The following SEPTIN3 variants were observed in gnomAD, a reference collection of about 807,000 sequenced individuals.
SEPTIN3 encodes septin 3.
Under a neutral mutation model 45.1 loss-of-function variants are expected in SEPTIN3, and 15 were observed. The ratio of observed to expected loss-of-function variants is 0.33; its 90% CI spans 0.22 to 0.51. The LOEUF is 0.51. Among genes scored for constraint, SEPTIN3 ranks in the 20% least tolerant of loss-of-function variants. The probability of loss-of-function intolerance (pLI) is 0.97; values close to 1 mark genes in which losing one functional copy is unlikely to be tolerated. For missense variants in SEPTIN3, 289 were observed against 457.2 expected, an observed-to-expected ratio of 0.63 and a Z score of 3.35; for synonymous variants, 148 against 164.8, an observed-to-expected ratio of 0.90 and a Z score of 0.78.
chr22:41,988,242 TG>T (rs2146706927), intron 6 of SEPTIN3, among the ~76,000 whole-genome samples: 1 of 152,230 alleles, frequency 6.6e-6, no homozygotes, highest in Non-Finnish European at 1.5e-5. Context: ...AGGCATTGTG[TG>T]TTCAGAGATG....
intron 2 of SEPTIN3, among the ~76,000 whole-genome samples, chr22:41,980,551 G>A (rs1344938475): frequency 1.3e-5 from 2 of 152,144 alleles, no homozygotes; most frequent in Non-Finnish European, 2.9e-5. Flanking sequence ...GTCTTCCCAA[G>A]TCCACAAAGC....
intron 2 of SEPTIN3, among the ~76,000 whole-genome samples, chr22:41,977,890 T>G (rs1227501506): frequency 6.6e-6 from 1 of 152,080 alleles, no homozygotes; most frequent in Non-Finnish European, 1.5e-5. Context: ...TGCAACCGAG[T>G]CAGGTGGATG....
rs772074991 is a variant in SEPTIN3, at chr22:41,992,683, C to T, written c.2279C>T (p.Ala760Val). The T allele has an allele frequency of 6.2e-6, 10 of 1,607,366 alleles. 1 individual carries two copies. ...DKIRQESMPFAVVGSDKEYQV... is the reference protein window; with the variant it reads ...DKIRQESMPFVVVGSDKEYQV... ...GTGCAGCAGGAGAGCATGCCTTTTGCTGTGGTGGGAAGTGACAAGGAGTAC... is the reference window on the plus strand; with the variant it reads ...GTGCAGCAGGAGAGCATGCCTTTTGTTGTGGTGGGAAGTGACAAGGAGTAC... The change falls in exon 9 of 12, where the codon GCT (alanine) becomes GTT (valine). Residue 760 changes from alanine (A) to valine (V), a missense_variant. Transcript: ENST00000644076.
At chr22:41,987,594 G>A in intron 5 of SEPTIN3, 28 bp from the exon 6 acceptor site, 1 of 1,596,310 alleles carries the variant, frequency 6.3e-7, no homozygotes, top group Non-Finnish European at 8.6e-7. Flanking sequence ...TTCTTCTGAT[G>A]CATCTATCTA....
At chr22:41,985,747 G>A (rs188194275) in intron 3 of SEPTIN3, 5 of 365,030 alleles carry the variant, frequency 1.4e-5, no homozygotes, top group Non-Finnish European at 2.5e-5. Flanking sequence ...TGGTCCTGTG[G>A]CTCTGGGAAG....
Position 41,998,060 on chromosome 22 carries a change from GAAC to G in SEPTIN3, c.*1097_*1099del, listed in dbSNP as rs541121726. 5 of 152,778 alleles carry G rather than the reference GAAC, an allele frequency of 3.3e-5. No homozygotes were observed. In the South Asian group the frequency reaches 1.0e-3, roughly 32 times the overall value. The allele number at this position is 152,778 out of a possible 1,614,324, so 9.5% of individuals were successfully genotyped here. A position where few individuals can be genotyped will look rare whatever the true frequency, so the allele number is the denominator to read the frequency against. ...AGAGGCCCACGCCTAGGGGATGCAA[GAAC>G]AACCCGTTTCTTAAATGTTACCAGT... On this transcript the variant is annotated 3_prime_UTR_variant, in exon 12 of 12. Transcript: ENST00000644076.
At chr22:41,987,397 G>A (rs1009913549) in intron 5 of SEPTIN3, 110 bp downstream of exon 5, 4 of 1,164,086 alleles carry the variant, frequency 3.4e-6, no homozygotes, top group African/African-American at 3.1e-5. Flanking sequence ...ATGCTCTGTA[G>A]TTCCCGACAG....
At chr22:41,973,146 G>A (rs1556240971) in intron 2 of SEPTIN3, 150 bp downstream of exon 2, 4 of 396,032 alleles carry the variant, frequency 1.0e-5, no homozygotes, top group Non-Finnish European at 8.9e-6. Context: ...GGAAATGGGG[G>A]TTGTAGGGCC....
At chr22:41,992,907 C>G in intron 9 of SEPTIN3, 144 bp downstream of exon 9, 1 of 643,176 alleles carries the variant, frequency 1.6e-6, no homozygotes. Flanking sequence ...CTTACAGTCT[C>G]ATTGAGAAGA....
intron 2 of SEPTIN3, among the ~76,000 whole-genome samples, chr22:41,973,448 A>G (rs1428776755): frequency 6.6e-6 from 1 of 150,458 alleles, no homozygotes; most frequent in Non-Finnish European, 1.5e-5. Flanking sequence ...TCACAAGGTC[A>G]GGAGATCGAG....
intron 3 of SEPTIN3, among the ~76,000 whole-genome samples, chr22:41,984,696 T>C (rs2078174381): frequency 1.3e-5 from 2 of 151,176 alleles, no homozygotes; most frequent in Admixed American, 1.3e-4. Context: ...GCCCGGCTAA[T>C]TTTTGTATTT....
rs1165906994 is a variant in SEPTIN3 at position 41,972,109 on chromosome 22, T to C, written c.617T>C (p.Leu206Pro). The change falls in exon 2 of 12, where the codon CTT becomes CCT. Residue 206 changes from leucine to proline, a missense_variant. Physicochemically the swap from Leu to Pro is moderately conservative, Grantham distance 98. Transcript: ENST00000644076. ...QSRLAQSAPV[L>P]AEPGSLGQGH... is the part of the protein sequence containing the mutation. The stretch of plus-strand genomic sequence containing the variant: ...CGGTTAGCCCAGAGTGCACCAGTCC[T>C]TGCAGAGCCAGGCTCGTTGGGCCAG... 7.5e-6 allele frequency: 3 copies of C among 398,990 alleles called. No individual in the cohort carries two copies. Among genetic ancestry groups the C allele is most frequent in the Non-Finnish European group, 1.3e-5 (3 of 226,118 alleles). 24.7% of individuals were successfully genotyped at this position (398,990 alleles called of 1,614,324 possible).
intron 6 of SEPTIN3, among the ~76,000 whole-genome samples, chr22:41,989,070 G>A (rs987177914): frequency 2.8e-5 from 4 of 143,924 alleles, no homozygotes; most frequent in African/African-American, 5.2e-5. Context: ...AGGCTGCAGT[G>A]AGCCAATGAC....
At chr22:41,993,591 G>A (rs2078361711) in intron 9 of SEPTIN3, among the ~76,000 whole-genome samples, 1 of 152,110 alleles carries the variant, frequency 6.6e-6, no homozygotes, top group South Asian at 2.1e-4. Flanking sequence ...CCTGACCTCA[G>A]GTGATCCATT....
At chr22:41,996,734 C>G (rs182822457) in intron 11 of SEPTIN3, 168 bp from the exon 12 acceptor site, 72 of 1,498,938 alleles carry the variant, frequency 4.8e-5, no homozygotes, top group Non-Finnish European at 6.0e-5. Flanking sequence ...GACCTTGGAC[C>G]AGCAGGGGAA....
In SEPTIN3 at chr22:41,994,018, T is replaced by C. The variant is rs768382411; in HGVS notation, c.2360-272T>C. Among the ~76,000 whole-genome samples the C allele has an allele frequency of 2.0e-5, 3 of 152,240 alleles. No homozygotes were observed. The highest frequency in any genetic ancestry group is 2.9e-5 in the Non-Finnish European group (2 of 68,044). On this transcript the variant is annotated intron_variant, in intron 9 of 11. Coordinates refer to ENST00000644076, the MANE Select transcript of SEPTIN3 (RefSeq NM_001363845.2). The surrounding 1 kb of genome is among the most constrained non-coding windows in gnomAD (Gnocchi z 4.2). ...TTTCTCAGACTTGGTATTAGTTTTC[T>C]CTTCTATAAAATGGTAAAAATTATA... is the stretch of plus-strand genomic sequence containing the variant.
At chr22:41,975,873 G>A (rs1011797804) in intron 2 of SEPTIN3, among the ~76,000 whole-genome samples, 1 of 152,088 alleles carries the variant, frequency 6.6e-6, no homozygotes, top group African/African-American at 2.4e-5. Flanking sequence ...CACATTGAAT[G>A]GCAGCACTTT....
chr22:41,995,087 C>G, intron 11 of SEPTIN3: 1 of 1,113,520 alleles, frequency 9.0e-7, no homozygotes, highest in Non-Finnish European at 1.1e-6. Flanking sequence ...CTCAGGAGAT[C>G]TGGGGGAGGT....
At chr22:41,992,178 C>T (rs1169288209) in intron 8 of SEPTIN3, among the ~76,000 whole-genome samples, 3 of 152,068 alleles carry the variant, frequency 2.0e-5, no homozygotes, top group Non-Finnish European at 2.9e-5. Context: ...CAGGAGTTCA[C>T]GACCAGCCTG....
Sources: allele counts gnomAD v4.1 joint callset (sites outside exome capture counted in the v4.1 genomes callset), GRCh38; gene constraint gnomAD v4.1.1; non-coding constraint Gnocchi (gnomAD v3.1); transcripts MANE v1.5; gene names NCBI Gene and HGNC (gene_info 2026-07-23, HGNC 2026-07-21).